The following BIRC6 variants were observed in gnomAD, a reference collection of about 807,000 sequenced individuals.
The protein encoded by BIRC6 is baculoviral IAP repeat containing 6.
Under a neutral mutation model 503.3 loss-of-function variants are expected in BIRC6, and 98 were observed. The observed-to-expected ratio is 0.19, with a 90% CI of 0.17 to 0.23. The LOEUF is 0.23. Ranked by LOEUF, BIRC6 falls within the 10% of genes least tolerant of loss-of-function variation. BIRC6 has a pLI of 1.00. For synonymous variants in BIRC6, 2,240 were observed against 2,078.7 expected, an observed-to-expected ratio of 1.08 and a Z score of -2.11; for missense variants, 5,360 against 5,806.0, an observed-to-expected ratio of 0.92 and a Z score of 2.50.
intron 66 of BIRC6, among the ~76,000 whole-genome samples, chr2:32,587,203 A>G (rs2061091641): frequency 6.6e-6 from 1 of 152,218 alleles, no homozygotes; most frequent in South Asian, 2.1e-4. Flanking sequence ...CCTAGCCAAC[A>G]TGGTGAAACA....
At chr2:32,482,633 G>T in intron 39 of BIRC6, 51 bp downstream of exon 39, 1 of 1,590,536 alleles carries the variant, frequency 6.3e-7, no homozygotes, top group Non-Finnish European at 8.6e-7. Flanking sequence ...AAACAAGTCT[G>T]TCATTTATGT....
intron 1 of BIRC6, among the ~76,000 whole-genome samples, chr2:32,370,267 G>T (rs2149258301): frequency 6.6e-6 from 1 of 151,706 alleles, no homozygotes; most frequent in South Asian, 2.1e-4. Context: ...TTTTCGTGGT[G>T]ATTATATTTT....
chr2:32,564,179 A>G (rs569607456), intron 65 of BIRC6: 57 of 152,284 alleles, frequency 3.7e-4, no homozygotes, highest in African/African-American at 1.3e-3. Context: ...TTCTATCCTT[A>G]TATAGAGTTG....
chr2:32,372,169 G>A (rs1050215505), intron 1 of BIRC6, among the ~76,000 whole-genome samples: 1 of 152,088 alleles, frequency 6.6e-6, no homozygotes, highest in African/African-American at 2.4e-5. Context: ...AAGTAAAGTT[G>A]TCTATTTTTT....
intron 49 of BIRC6, among the ~76,000 whole-genome samples, chr2:32,504,194 T>C (rs1414093044): frequency 6.6e-6 from 1 of 152,068 alleles, no homozygotes; most frequent in Non-Finnish European, 1.5e-5. Context: ...CCACTGTGCC[T>C]GGCCTTAAAG....
chr2:32,424,177 TTTG>T (rs1346678096), intron 10 of BIRC6, among the ~76,000 whole-genome samples: 5 of 152,288 alleles, frequency 3.3e-5, no homozygotes, highest in East Asian at 1.9e-4. Flanking sequence ...ATTGTGCTAT[TTTG>T]TTGTTGTTCA....
rs761784819 is a variant in BIRC6, at chr2:32,575,303, C to T, written c.13292C>T (p.Thr4431Ile). 11 of 1,613,972 alleles carry T rather than the reference C, an allele frequency of 6.8e-6. No homozygotes were observed. The South Asian group carries it at 1.2e-4, about 18-fold the overall frequency. The change falls in exon 66 of 74, where the codon ACT becomes ATT. Residue 4431 changes from threonine to isoleucine, a missense_variant. This residue lies in a region of BIRC6 where 477 missense variants were observed against 574.4 expected (regional missense o/e 0.83). Coordinates refer to ENST00000421745, the MANE Select transcript of BIRC6 (RefSeq NM_016252.4). ...EEEEEQSECQ[T>I]SVGTLLAKMK... ...GAAGAAGAACAGTCAGAATGTCAAACTTCTGTTGGTACATTGTTAGCCAAA... is the reference window on the plus strand; with the variant it reads ...GAAGAAGAACAGTCAGAATGTCAAATTTCTGTTGGTACATTGTTAGCCAAA...
chr2:32,404,236 AT>A (rs1046254858), intron 8 of BIRC6, among the ~76,000 whole-genome samples: 3 of 151,612 alleles, frequency 2.0e-5, no homozygotes, highest in African/African-American at 7.3e-5. Flanking sequence ...GCCGCATGTG[AT>A]TTTTTAAAAA....
chr2:32,478,875 T>A (rs2050062830), intron 36 of BIRC6, 57 bp downstream of exon 36: 2 of 1,537,862 alleles, frequency 1.3e-6, no homozygotes, highest in Non-Finnish European at 1.8e-6. Context: ...ATTGCTCAAC[T>A]AAGAATCTTC....
In BIRC6 at chr2:32,437,787, GT is replaced by G. The variant is rs1047555915; in HGVS notation, c.3631+1607del. ...GGATACTCAGCCTGTATATATGCAAGTTTTGTGCTTTCTTATTGTCATTAGG... is the reference window on the plus strand; with the variant it reads ...GGATACTCAGCCTGTATATATGCAAGTTTGTGCTTTCTTATTGTCATTAGG... On this transcript the variant is annotated intron_variant, in intron 15 of 73. Coordinates refer to ENST00000421745, the MANE Select transcript of BIRC6 (RefSeq NM_016252.4). 5.3e-4 allele frequency among the ~76,000 whole-genome samples: 80 copies of G among 152,264 alleles called. 1 individual carries two copies. The highest frequency in any genetic ancestry group is 1.9e-3 in the African/African-American group (77 of 41,554).
chr2:32,401,471 A>G lies in BIRC6; in HGVS notation c.1266A>G (p.Leu422=), dbSNP rs1427157583. 6.2e-6 allele frequency: 10 copies of G among 1,613,736 alleles called. No individual in the cohort carries two copies. Among genetic ancestry groups the G allele is most frequent in the Non-Finnish European group, 7.6e-6 (9 of 1,179,846 alleles). Residue 422 remains leucine, a synonymous_variant, in exon 8 of 74, where the codon TTA becomes TTG. Coordinates refer to ENST00000421745, the MANE Select transcript of BIRC6 (RefSeq NM_016252.4). The part of the protein sequence containing the change: ...WDVSKLMKVH[L]KFEINAYDPA... ...GCTTTTCATTTGTTTAGGTGCACTT[A>G]AAGTTTGAAATTAATGCCTATGATC...
At chr2:32,592,228 A>G (rs2061427875) in intron 66 of BIRC6, among the ~76,000 whole-genome samples, 2 of 152,188 alleles carry the variant, frequency 1.3e-5, no homozygotes, top group African/African-American at 4.8e-5. Context: ...CTGAGTGGTA[A>G]AGGAAAGTGG....
chr2:32,445,407 A>G, intron 20 of BIRC6, 114 bp from the exon 21 acceptor site: 1 of 1,055,084 alleles, frequency 9.5e-7, no homozygotes, highest in South Asian at 2.1e-5. Context: ...TTTCCAGAAA[A>G]GGGAGTATCT....
chr2:32,447,248 A>G (rs1275788009), intron 21 of BIRC6, among the ~76,000 whole-genome samples: 1 of 146,930 alleles, frequency 6.8e-6, no homozygotes, highest in African/African-American at 2.5e-5. Flanking sequence ...ATCATGGCCC[A>G]TCCCCAATGA....
intron 23 of BIRC6, 63 bp downstream of exon 23, chr2:32,454,005 A>T (rs1288256941): frequency 1.6e-6 from 2 of 1,265,014 alleles, no homozygotes; most frequent in African/African-American, 3.1e-5. Flanking sequence ...AGTGATATTT[A>T]TATATTTAAA....
Position 32,512,942 on chromosome 2 carries a change from C to G in BIRC6, c.10356C>G (p.Ala3452=), listed in dbSNP as rs1476081583. The part of the protein sequence containing the change: ...QDPGTKDRIQ[A]LLKWVSDSAR... ...GTTTTCTTCGTTTAAGAATTCAGGC[C>G]TTGTTAAAATGGGTTAGTGATTCTG... The change falls in exon 54 of 74, where the codon GCC becomes GCG. Residue 3452 remains alanine (A), a synonymous_variant. Coordinates refer to ENST00000421745, the MANE Select transcript of BIRC6 (RefSeq NM_016252.4). The G allele has an allele frequency of 1.2e-6, 2 of 1,613,714 alleles. No homozygotes were observed. Among genetic ancestry groups the G allele is most frequent in the South Asian group, 2.2e-5 (2 of 91,024 alleles).
intron 1 of BIRC6, among the ~76,000 whole-genome samples, chr2:32,373,752 G>A (rs1260401344): frequency 6.6e-6 from 1 of 152,182 alleles, no homozygotes; most frequent in Non-Finnish European, 1.5e-5. Context: ...GTACCTCAAA[G>A]AATTGAAAGC....
At chr2:32,573,048 T>C (rs1157511775) in intron 65 of BIRC6, among the ~76,000 whole-genome samples, 2 of 152,236 alleles carry the variant, frequency 1.3e-5, no homozygotes, top group African/African-American at 2.4e-5. Context: ...GCTTTAGTTT[T>C]CTATATAGCA....
intron 46 of BIRC6, among the ~76,000 whole-genome samples, chr2:32,500,613 T>TTG: frequency 6.7e-6 from 1 of 149,042 alleles, no homozygotes; most frequent in East Asian, 2.0e-4. Context: ...TTTGTTTTTT[T>TTG]TTTTTTTTTT....
Sources: allele counts gnomAD v4.1 joint callset (sites outside exome capture counted in the v4.1 genomes callset), GRCh38; gene constraint gnomAD v4.1.1; regional missense constraint gnomAD v4.1.1; transcripts MANE v1.5; gene names NCBI Gene and HGNC (gene_info 2026-07-23, HGNC 2026-07-21).